ST6GALNAC5: variants seen among roughly 807,000 people sequenced by gnomAD.
ST6GALNAC5 encodes the protein ST6 N-acetylgalactosaminide alpha-2,6-sialyltransferase 5, also known as alpha-N-acetylgalactosaminide alpha-2,6-sialyltransferase 5.
Under a neutral mutation model 33.6 loss-of-function variants are expected in ST6GALNAC5, and 27 were observed. The ratio of observed to expected loss-of-function variants is 0.80; its 90% CI spans 0.59 to 1.11. The LOEUF is 1.11. Among genes scored for constraint, ST6GALNAC5 ranks in the 50% least tolerant of loss-of-function variants. ST6GALNAC5 has a pLI of 0.00. For synonymous variants in ST6GALNAC5, 194 were observed against 171.2 expected, an observed-to-expected ratio of 1.13 and a Z score of -1.04; for missense variants, 428 against 454.0, an observed-to-expected ratio of 0.94 and a Z score of 0.52.
At chr1:77,027,108 G>A (rs1651271702) in intron 2 of ST6GALNAC5, among the ~76,000 whole-genome samples, 1 of 152,238 alleles carries the variant, frequency 6.6e-6, no homozygotes, top group African/African-American at 2.4e-5. Flanking sequence ...AGCAGCAGGT[G>A]CCAGTGCCAG....
At chr1:76,993,825 T>G (rs1173115752) in intron 2 of ST6GALNAC5, among the ~76,000 whole-genome samples, 3 of 152,200 alleles carry the variant, frequency 2.0e-5, no homozygotes, top group East Asian at 3.8e-4. Flanking sequence ...TAAAGCCATA[T>G]TCCTTCTGTT....
intron 3 of ST6GALNAC5, among the ~76,000 whole-genome samples, chr1:77,047,893 A>G (rs1406272597): frequency 6.6e-6 from 1 of 152,216 alleles, no homozygotes; most frequent in African/African-American, 2.4e-5. Flanking sequence ...AAAGCACATG[A>G]CAGCTCTTCA....
At chr1:77,015,345 A>T (rs1284355026) in intron 2 of ST6GALNAC5, among the ~76,000 whole-genome samples, 1 of 152,120 alleles carries the variant, frequency 6.6e-6, no homozygotes, top group Non-Finnish European at 1.5e-5. Context: ...CCCTCAATGG[A>T]TCTGATAATG....
intron 2 of ST6GALNAC5, among the ~76,000 whole-genome samples, chr1:77,036,035 C>T (rs879876551): frequency 2.0e-5 from 3 of 151,872 alleles, no homozygotes; most frequent in African/African-American, 4.8e-5. Context: ...ACTGAATAAA[C>T]AAAATGTGGT....
chr1:76,963,004 C>G (rs1648303671), intron 2 of ST6GALNAC5, among the ~76,000 whole-genome samples: 1 of 152,096 alleles, frequency 6.6e-6, no homozygotes, highest in African/African-American at 2.4e-5. Flanking sequence ...CTCAAAGCAT[C>G]ATTCTTGAAA....
chr1:76,870,948 C>T (rs1186300349), intron 2 of ST6GALNAC5, among the ~76,000 whole-genome samples: 7 of 152,340 alleles, frequency 4.6e-5, no homozygotes, highest in African/African-American at 1.2e-4. Flanking sequence ...TAAATGTAAA[C>T]TTCTCAGAAT....
intron 2 of ST6GALNAC5, among the ~76,000 whole-genome samples, chr1:77,038,675 G>A (rs935015058): frequency 5.3e-5 from 8 of 152,246 alleles, no homozygotes; most frequent in Non-Finnish European, 2.9e-5. Context: ...CTCCAGAGCA[G>A]TCAGCCAGGT....
chr1:76,993,073 C>T (rs1649798819), intron 2 of ST6GALNAC5, among the ~76,000 whole-genome samples: 1 of 152,188 alleles, frequency 6.6e-6, no homozygotes, highest in African/African-American at 2.4e-5. Flanking sequence ...CAACCTCTTA[C>T]AGTCCCCTAA....
At chr1:76,897,680 A>G (rs943128268) in intron 2 of ST6GALNAC5, among the ~76,000 whole-genome samples, 9 of 152,158 alleles carry the variant, frequency 5.9e-5, no homozygotes, top group African/African-American at 1.2e-4. Flanking sequence ...GGGCGGCAGT[A>G]AGATGTAGCT....
At chr1:76,961,499 C>T (rs988745540) in intron 2 of ST6GALNAC5, among the ~76,000 whole-genome samples, 1 of 152,184 alleles carries the variant, frequency 6.6e-6, no homozygotes, top group African/African-American at 2.4e-5. Flanking sequence ...CTTGATAGAA[C>T]TAATATGATC....
intron 2 of ST6GALNAC5, among the ~76,000 whole-genome samples, chr1:77,041,631 C>T (rs61782865): frequency 0.11 from 16,758 of 152,140 alleles, 1,018 homozygotes; most frequent in Middle Eastern, 0.18. Context: ...ACAGTTCGCC[C>T]AGGGATTCAG....
chr1:76,876,760 G>A (rs1653649360), intron 2 of ST6GALNAC5, among the ~76,000 whole-genome samples: 1 of 152,190 alleles, frequency 6.6e-6, no homozygotes, highest in South Asian at 2.1e-4. Context: ...CCTAGAAAGG[G>A]CCATAGTGCT....
intron 2 of ST6GALNAC5, among the ~76,000 whole-genome samples, chr1:76,985,008 C>T (rs1167966549): frequency 2.6e-5 from 4 of 152,038 alleles, no homozygotes; most frequent in African/African-American, 7.2e-5. Flanking sequence ...ATTGATGGAA[C>T]GTATCTCAAA....
intron 2 of ST6GALNAC5, among the ~76,000 whole-genome samples, chr1:77,001,724 T>C (rs1303378918): frequency 3.2e-4 from 48 of 150,860 alleles, no homozygotes; most frequent in Non-Finnish European, 3.4e-4. Flanking sequence ...TGTCAAAGGC[T>C]TTTTCTGCAT....
chr1:76,873,191 G>A (rs1333600709), intron 2 of ST6GALNAC5, among the ~76,000 whole-genome samples: 1 of 152,068 alleles, frequency 6.6e-6, no homozygotes, highest in Non-Finnish European at 1.5e-5. Flanking sequence ...TCTTCCCCAA[G>A]GTCTTTTGCA....
intron 4 of ST6GALNAC5, among the ~76,000 whole-genome samples, chr1:77,059,422 A>G (rs1051294741): frequency 6.6e-6 from 1 of 152,086 alleles, no homozygotes; most frequent in Non-Finnish European, 1.5e-5. Context: ...AATGTCCTTC[A>G]CTTGGGGTTT....
At chr1:76,916,350 T>A (rs1422576441) in intron 2 of ST6GALNAC5, among the ~76,000 whole-genome samples, 1 of 152,180 alleles carries the variant, frequency 6.6e-6, no homozygotes, top group Admixed American at 6.6e-5. Flanking sequence ...AAATTCTCAA[T>A]CTTCTTGTTT....
chr1:76,984,926 C>G (rs1249829267), intron 2 of ST6GALNAC5, among the ~76,000 whole-genome samples: 2 of 152,194 alleles, frequency 1.3e-5, no homozygotes, highest in African/African-American at 4.8e-5. Flanking sequence ...ACATGATTAT[C>G]TCAACAGATG....
chr1:76,896,797 G>A (rs1319254712), intron 2 of ST6GALNAC5, among the ~76,000 whole-genome samples: 1 of 152,146 alleles, frequency 6.6e-6, no homozygotes, highest in Non-Finnish European at 1.5e-5. Flanking sequence ...TGTAGAGAGT[G>A]TGTTGAGCAT....
Sources: gnomAD v4.1 joint callset for allele counts (sites outside exome capture counted in the v4.1 genomes callset) on GRCh38, gnomAD v4.1.1 for gene constraint, MANE v1.5 for transcripts, NCBI Gene and HGNC (gene_info 2026-07-23, HGNC 2026-07-21) for gene names.